Variants in BACH2 observed in about 807,000 individuals in gnomAD.
The protein encoded by BACH2 is transcription regulator protein BACH2.
Under a neutral mutation model 61.8 loss-of-function variants are expected in BACH2, and 5 were observed. That is an observed-to-expected ratio of 0.08 (90% CI 0.04 to 0.17). BACH2 has a LOEUF of 0.17. Among genes scored for constraint, BACH2 ranks in the 10% least tolerant of loss-of-function variants. The pLI, the probability that BACH2 is intolerant of heterozygous loss-of-function variation, is 1.00. For synonymous variants in BACH2, 446 were observed against 440.1 expected, an observed-to-expected ratio of 1.01 and a Z score of -0.17; for missense variants, 824 against 1,091.1, an observed-to-expected ratio of 0.76 and a Z score of 3.45.
At chr6:90,155,668 C>T (rs575001208) in intron 4 of BACH2, among the ~76,000 whole-genome samples, 45 of 152,334 alleles carry the variant, frequency 3.0e-4, no homozygotes, top group Admixed American at 2.3e-3. Flanking sequence ...CAGCCTCTTC[C>T]TATCCCCAAA....
chr6:90,192,949 A>C (rs944202529), intron 4 of BACH2, among the ~76,000 whole-genome samples: 24 of 152,214 alleles, frequency 1.6e-4, no homozygotes, highest in Non-Finnish European at 1.5e-5. Context: ...TGGAAGATAC[A>C]GGAGAGTTTG....
intron 3 of BACH2, among the ~76,000 whole-genome samples, chr6:90,231,424 C>G (rs145817237): frequency 6.6e-6 from 1 of 152,214 alleles, no homozygotes; most frequent in African/African-American, 2.4e-5. Flanking sequence ...GCAACATGAC[C>G]AAACTGCAAA....
chr6:90,161,489 AG>A (rs1377326435), intron 4 of BACH2, among the ~76,000 whole-genome samples: 5 of 152,236 alleles, frequency 3.3e-5, no homozygotes, highest in African/African-American at 1.2e-4. Flanking sequence ...CCCAAATCAC[AG>A]ATGACTAACA....
intron 5 of BACH2, among the ~76,000 whole-genome samples, chr6:90,026,716 T>A (rs1193499388): frequency 6.6e-6 from 1 of 152,032 alleles, no homozygotes; most frequent in Non-Finnish European, 1.5e-5. Context: ...GGGCACGCGG[T>A]TTACAGGTAG....
intron 2 of BACH2, among the ~76,000 whole-genome samples, chr6:90,267,678 G>A (rs925315149): frequency 2.6e-5 from 4 of 152,168 alleles, no homozygotes; most frequent in Non-Finnish European, 5.9e-5. Context: ...ATGGTACAAC[G>A]ATACCATAGG....
At chr6:90,170,166 T>G (rs1261560169) in intron 4 of BACH2, among the ~76,000 whole-genome samples, 1 of 152,228 alleles carries the variant, frequency 6.6e-6, no homozygotes, top group Non-Finnish European at 1.5e-5. Context: ...TAGTAGAATA[T>G]TTAAAGGAAC....
chr6:90,205,768 A>G (rs1413389895), intron 4 of BACH2, among the ~76,000 whole-genome samples: 1 of 151,878 alleles, frequency 6.6e-6, no homozygotes, highest in Non-Finnish European at 1.5e-5. Context: ...CCTCCTCTAC[A>G]CTGTCTTTCC....
chr6:90,159,769 A>C (rs904321422), intron 4 of BACH2, among the ~76,000 whole-genome samples: 4 of 152,250 alleles, frequency 2.6e-5, no homozygotes, highest in African/African-American at 9.6e-5. Flanking sequence ...TGTACTGTAC[A>C]AAACTGGGGA....
intron 6 of BACH2, among the ~76,000 whole-genome samples, chr6:89,977,914 G>A (rs919906067): frequency 7.2e-5 from 11 of 152,168 alleles, no homozygotes; most frequent in East Asian, 5.8e-4. Context: ...AGTGCTGAGC[G>A]TACGCTGGAT....
At chr6:90,074,536 C>T (rs546145181) in intron 5 of BACH2, among the ~76,000 whole-genome samples, 6 of 152,128 alleles carry the variant, frequency 3.9e-5, no homozygotes, top group South Asian at 2.1e-4. Flanking sequence ...GAAAAGTTTC[C>T]GCTACAGCAG....
At chr6:90,242,737 A>G (rs1035359540) in intron 3 of BACH2, among the ~76,000 whole-genome samples, 3 of 152,206 alleles carry the variant, frequency 2.0e-5, no homozygotes, top group Non-Finnish European at 4.4e-5. Context: ...CTTAATATCT[A>G]CACAATGTGA....
intron 6 of BACH2, among the ~76,000 whole-genome samples, chr6:89,997,140 A>C (rs541445822): frequency 1.3e-5 from 2 of 152,288 alleles, no homozygotes; most frequent in South Asian, 4.1e-4. Context: ...TCCCTCCTGT[A>C]TAGTTGGGAT....
chr6:89,999,463 T>TC (rs1554226336), intron 6 of BACH2, among the ~76,000 whole-genome samples: 4 of 152,008 alleles, frequency 2.6e-5, no homozygotes, highest in East Asian at 1.9e-4. Flanking sequence ...TTTTTTTTTT[T>TC]CCAAGGGTGT....
At chr6:89,989,698 C>A (rs552924471) in intron 6 of BACH2, among the ~76,000 whole-genome samples, 3 of 152,294 alleles carry the variant, frequency 2.0e-5, no homozygotes, top group Non-Finnish European at 4.4e-5. Flanking sequence ...TCTCTGAAGT[C>A]CATAGAACCT....
intron 3 of BACH2, among the ~76,000 whole-genome samples, chr6:90,229,787 GGA>G (rs1770035088): frequency 1.3e-5 from 2 of 152,174 alleles, no homozygotes; most frequent in Non-Finnish European, 2.9e-5. Context: ...ATTTAGACTA[GGA>G]GAGAGAAACT....
intron 8 of BACH2, among the ~76,000 whole-genome samples, chr6:89,934,972 T>G (rs1772925587): frequency 6.6e-6 from 1 of 152,140 alleles, no homozygotes; most frequent in Admixed American, 6.5e-5. Context: ...AAAGGGCACC[T>G]CCTAAAATAT....
intron 5 of BACH2, among the ~76,000 whole-genome samples, chr6:90,019,785 A>C (rs973304299): frequency 2.6e-5 from 4 of 152,182 alleles, no homozygotes; most frequent in African/African-American, 9.7e-5. Context: ...CTAGGACCCA[A>C]ACCCCTGCTC....
At chr6:90,249,847 C>T (rs946185733) in intron 3 of BACH2, among the ~76,000 whole-genome samples, 5 of 152,108 alleles carry the variant, frequency 3.3e-5, no homozygotes, top group African/African-American at 1.2e-4. Flanking sequence ...GCAAGAAAAC[C>T]CTACCAAGAA....
At chr6:90,137,376 A>C (rs1490764503) in intron 4 of BACH2, among the ~76,000 whole-genome samples, 1 of 152,164 alleles carries the variant, frequency 6.6e-6, no homozygotes, top group Non-Finnish European at 1.5e-5. Flanking sequence ...TTTGAGTGTA[A>C]TGTGATGGTT....
Sources: allele counts gnomAD v4.1 joint callset (sites outside exome capture counted in the v4.1 genomes callset), GRCh38; gene constraint gnomAD v4.1.1; transcripts MANE v1.5; gene names NCBI Gene and HGNC (gene_info 2026-07-23, HGNC 2026-07-21).